Variants in TCF20 observed in about 807,000 individuals in gnomAD.
TCF20 encodes transcription factor 20.
TCF20 carries 3 observed loss-of-function variants against 148.6 expected under a neutral mutation model. The ratio of observed to expected loss-of-function variants is 0.02; its 90% CI spans 0.01 to 0.05. TCF20 has a LOEUF of 0.05. TCF20 is among the 10% of genes least tolerant of loss of function. The pLI, the probability that TCF20 is intolerant of heterozygous loss-of-function variation, is 1.00. For synonymous variants in TCF20, 1,049 were observed against 909.5 expected (o/e 1.15, Z -2.76); for missense variants, 2,350 against 2,429.3 (o/e 0.97, Z 0.69).
chr22:42,336,848 C>G (rs1928076457), intron 1 of TCF20, among the ~76,000 whole-genome samples: 1 of 152,202 alleles, frequency 6.6e-6, no homozygotes, highest in Non-Finnish European at 1.5e-5. Flanking sequence ...TTTCCTCTTG[C>G]AGAGACCTCT....
rs759118027 is a variant in TCF20, at chr22:42,216,079, CTTTTTT to C, written c.-36-744_-36-739del. 2.2e-3 allele frequency among the ~76,000 whole-genome samples: 111 copies of C among 50,560 alleles called. 3 individuals are homozygous for C. The highest frequency in any genetic ancestry group is 0.019 in the Middle Eastern group (1 of 52). 33.2% of individuals were successfully genotyped at this position (50,560 alleles called of 152,430 possible). A position where few individuals can be genotyped will look rare whatever the true frequency, so the allele number is the denominator to read the frequency against. ...GGTGTGGGGTAAGAAAAACCAAATC[CTTTTTT>C]TTTTTTTTTTTTTTTTTTTTTTGAG... On this transcript the variant is annotated intron_variant, in intron 1 of 5. Coordinates refer to ENST00000677622, the MANE Select transcript of TCF20 (RefSeq NM_001378418.1).
chr22:42,323,733 G>A (rs1056696875), intron 1 of TCF20, among the ~76,000 whole-genome samples: 3 of 151,862 alleles, frequency 2.0e-5, no homozygotes, highest in African/African-American at 4.8e-5. Context: ...AGGAAAAGCC[G>A]AGAAGCCTCT....
intron 2 of TCF20, among the ~76,000 whole-genome samples, chr22:42,205,124 C>A (rs993991417): frequency 1.3e-5 from 2 of 152,186 alleles, no homozygotes; most frequent in Non-Finnish European, 2.9e-5. Context: ...CAAGTTATAT[C>A]CATACCCATT....
chr22:42,181,619 A>G (rs1181721889), intron 2 of TCF20, among the ~76,000 whole-genome samples: 9 of 140,328 alleles, frequency 6.4e-5, no homozygotes, highest in Admixed American at 1.4e-4. Context: ...TTTTTTTAAT[A>G]TATTTTGAGA....
chr22:42,176,191 T>C (rs1936438872), intron 3 of TCF20, among the ~76,000 whole-genome samples: 1 of 152,250 alleles, frequency 6.6e-6, no homozygotes. Context: ...ACACACACTT[T>C]TGTAATAGTC....
At chr22:42,288,799 CA>C (rs1157870536), upstream of TCF20, among the ~76,000 whole-genome samples, 4 of 150,498 alleles carry the variant, frequency 2.7e-5, no homozygotes, top group African/African-American at 9.9e-5. Context: ...TGTTCCACCC[CA>C]AAAGGCTGGC....
chr22:42,251,365 A>G (rs186487493), intron 1 of TCF20, among the ~76,000 whole-genome samples: 62 of 152,048 alleles, frequency 4.1e-4, no homozygotes, highest in Admixed American at 3.7e-3. Context: ...ATTTTTTTGT[A>G]GAGACAGGGT....
chr22:42,161,413 C>T, intron 5 of TCF20, 55 bp from the exon 6 acceptor site: 1 of 1,612,536 alleles, frequency 6.2e-7, no homozygotes, highest in Non-Finnish European at 8.5e-7. Context: ...GGTCCACCAC[C>T]AACAGCCGCT....
intron 1 of TCF20, among the ~76,000 whole-genome samples, chr22:42,322,941 TC>T (rs1927762955): frequency 6.6e-6 from 1 of 151,166 alleles, no homozygotes; most frequent in Non-Finnish European, 1.5e-5. Flanking sequence ...AGTTTCACTC[TC>T]GTTGCCCAGG....
chr22:42,302,364 G>A (rs899369795), intron 1 of TCF20, among the ~76,000 whole-genome samples: 1 of 152,182 alleles, frequency 6.6e-6, no homozygotes, highest in Non-Finnish European at 1.5e-5. Context: ...TCCAGCCATG[G>A]ACAGCAAAGG....
At chr22:42,164,930 T>TG (rs1935690802) in intron 5 of TCF20, among the ~76,000 whole-genome samples, 1 of 152,226 alleles carries the variant, frequency 6.6e-6, no homozygotes, top group Admixed American at 6.5e-5. Context: ...GAGAGTCACC[T>TG]GAGACTTCCA....
intron 1 of TCF20, among the ~76,000 whole-genome samples, chr22:42,321,302 A>C (rs1395713598): frequency 6.6e-6 from 1 of 152,212 alleles, no homozygotes; most frequent in Admixed American, 6.5e-5. Context: ...TCTGGGGAAC[A>C]CAAGGGTGGC....
chr22:42,241,374 G>T (rs909845495), intron 1 of TCF20, among the ~76,000 whole-genome samples: 22 of 152,150 alleles, frequency 1.4e-4, no homozygotes, highest in African/African-American at 3.9e-4. Flanking sequence ...GACTATAAAA[G>T]AATTATATTT....
In TCF20 at chr22:42,291,121, C is replaced by T. The variant is rs143815089; in HGVS notation, c.-37+52358G>A. Among the ~76,000 whole-genome samples, 523 of 152,318 alleles carry T rather than the reference C, an allele frequency of 3.4e-3. 1 individual carries two copies. The highest frequency in any genetic ancestry group is 0.027 in the Middle Eastern group (8 of 294). ...CCTTCCCGTCTCTGGGACTCCATCT[C>T]CTCTTCTCTGAACATTTTAAGGTCC... On this transcript the variant is annotated intron_variant, in intron 1 of 1. Coordinates refer to the TCF20 transcript ENST00000515426.
chr22:42,302,012 C>T (rs906246615), intron 1 of TCF20, among the ~76,000 whole-genome samples: 1 of 152,176 alleles, frequency 6.6e-6, no homozygotes, highest in African/African-American at 2.4e-5. Flanking sequence ...CTTGGAGGAG[C>T]TGGGAGAGAA....
intron 1 of TCF20, among the ~76,000 whole-genome samples, chr22:42,238,518 CTAG>C (rs1202815522): frequency 6.6e-6 from 1 of 152,208 alleles, no homozygotes; most frequent in African/African-American, 2.4e-5. Context: ...TGCAATAGGC[CTAG>C]TATTCAGCCT....
chr22:42,218,083 G>A (rs933467334), intron 1 of TCF20, among the ~76,000 whole-genome samples: 3 of 152,154 alleles, frequency 2.0e-5, no homozygotes, highest in African/African-American at 4.8e-5. Flanking sequence ...CTATTCAAAT[G>A]GTGATGATGC....
intron 1 of TCF20, among the ~76,000 whole-genome samples, chr22:42,238,848 T>C (rs1924117132): frequency 6.6e-6 from 1 of 152,218 alleles, no homozygotes; most frequent in Admixed American, 6.5e-5. Flanking sequence ...CCGGGCGCGG[T>C]GGCTCACGCC....
intron 2 of TCF20, among the ~76,000 whole-genome samples, chr22:42,207,998 C>G (rs914762554): frequency 6.6e-6 from 1 of 152,152 alleles, no homozygotes; most frequent in Non-Finnish European, 1.5e-5. Context: ...GACCAGCCTG[C>G]CTGGGCAACA....
Sources: allele counts gnomAD v4.1 joint callset (sites outside exome capture counted in the v4.1 genomes callset), GRCh38; gene constraint gnomAD v4.1.1; transcripts MANE v1.5; gene names NCBI Gene and HGNC (gene_info 2026-07-23, HGNC 2026-07-21).